The following DZIP1L variants were observed in gnomAD, a reference collection of about 807,000 sequenced individuals.
DZIP1L encodes the protein cilium assembly protein DZIP1L.
A neutral mutation model predicts 88.7 loss-of-function variants in DZIP1L; 90 were observed. That is an observed-to-expected ratio of 1.02 (90% CI 0.86 to 1.21). The LOEUF (loss-of-function observed/expected upper bound fraction) is 1.21. DZIP1L is among the 50% of genes most tolerant of loss of function. The pLI, the probability that DZIP1L is intolerant of heterozygous loss-of-function variation, is 0.00. For missense variants in DZIP1L, 932 were observed against 955.8 expected (o/e 0.98, Z 0.33); for synonymous variants, 363 against 372.1 (o/e 0.98, Z 0.28).
intron 1 of DZIP1L, among the ~76,000 whole-genome samples, chr3:138,114,872 A>G (rs1487008161): frequency 1.3e-5 from 2 of 152,226 alleles, no homozygotes; most frequent in East Asian, 1.9e-4. Flanking sequence ...GAAAGGAAGA[A>G]GGGGAACGAA....
Position 138,103,862 on chromosome 3 carries a change from C to G in DZIP1L, c.110G>C (p.Arg37Pro). 1.2e-6 allele frequency: 2 copies of G among 1,614,102 alleles called. No individual in the cohort carries two copies. The highest frequency in any genetic ancestry group is 1.7e-6 in the Non-Finnish European group (2 of 1,180,050). Residue 37 changes from arginine to proline, a missense_variant, in exon 2 of 16, where the codon CGC (arginine) becomes CCC (proline). By Grantham distance (103) the Arg-to-Pro change is moderately radical. Coordinates refer to ENST00000327532, the MANE Select transcript of DZIP1L (RefSeq NM_173543.3). ...QPRHDSMDWRRISTLDVDRVA... is the reference protein window; with the variant it reads ...QPRHDSMDWRPISTLDVDRVA... ...GCGGTCTACATCCAGGGTGCTAATG[C>G]GTCTCCAGTCCATGCTATCATGGCG...
chr3:138,108,277 G>C, intron 1 of DZIP1L: 1 of 981,686 alleles, frequency 1.0e-6, no homozygotes, highest in Non-Finnish European at 1.2e-6. Flanking sequence ...GCAACAGCAG[G>C]TTACCAGGCA....
chr3:138,072,435 T>A (rs1043571709), intron 11 of DZIP1L, among the ~76,000 whole-genome samples: 7 of 152,136 alleles, frequency 4.6e-5, no homozygotes, highest in Non-Finnish European at 1.0e-4. Context: ...GTTAGAGTAG[T>A]CAGTAGTTGA....
At chr3:138,080,891 T>C (rs1943615120) in intron 9 of DZIP1L, among the ~76,000 whole-genome samples, 1 of 152,136 alleles carries the variant, frequency 6.6e-6, no homozygotes, top group Non-Finnish European at 1.5e-5. Context: ...ACGAGGATAA[T>C]TCAATAGTGA....
intron 7 of DZIP1L, among the ~76,000 whole-genome samples, chr3:138,086,246 T>G (rs987962707): frequency 2.7e-5 from 4 of 150,326 alleles, no homozygotes; most frequent in Admixed American, 6.6e-5. Context: ...ACCCTAAAAC[T>G]TAAAGTATAA....
At chr3:138,096,630 A>G (rs1402561781) in intron 3 of DZIP1L, among the ~76,000 whole-genome samples, 1 of 152,210 alleles carries the variant, frequency 6.6e-6, no homozygotes, top group Non-Finnish European at 1.5e-5. Flanking sequence ...CTACTTTCCT[A>G]TATTTAAATT....
Position 138,064,754 on chromosome 3 carries a change from C to T in DZIP1L, c.2016G>A (p.Gln672=). Residue 672 remains glutamine, a synonymous_variant, in exon 15 of 16, where the codon CAG becomes CAA. Transcript: ENST00000327532. ...PPGQGSGTLV[Q]SMVKNLEKQL... ...GCTTCTCCAGGTTTTTGACCATCGA[C>T]TGCACCAGTGTTCCTGGAAGGTGAA... The T allele has an allele frequency of 6.3e-7, 1 of 1,586,498 alleles. No homozygotes were observed. Among genetic ancestry groups the T allele is most frequent in the Non-Finnish European group, 8.6e-7 (1 of 1,168,614 alleles).
At chr3:138,072,980 AAC>A (rs1943249091) in intron 11 of DZIP1L, among the ~76,000 whole-genome samples, 2 of 152,106 alleles carry the variant, frequency 1.3e-5, no homozygotes, top group Non-Finnish European at 2.9e-5. Flanking sequence ...TTGGACTGGG[AAC>A]ACACCCTCAT....
At chr3:138,065,586 C>T (rs1258097848) in intron 14 of DZIP1L, among the ~76,000 whole-genome samples, 1 of 152,230 alleles carries the variant, frequency 6.6e-6, no homozygotes, top group Non-Finnish European at 1.5e-5. Context: ...CACCCTATTG[C>T]CCTTGCCTGG....
chr3:138,064,887 A>G, intron 14 of DZIP1L, 120 bp from the exon 15 acceptor site: 1 of 1,426,768 alleles, frequency 7.0e-7, no homozygotes, highest in Non-Finnish European at 9.4e-7. Context: ...GGCCAGGAGG[A>G]AGAAGGCTGA....
chr3:138,076,268 G>A lies in DZIP1L; in HGVS notation c.1422+1231C>T, dbSNP rs145216824. Among the ~76,000 whole-genome samples the A allele has an allele frequency of 2.2e-3, 338 of 151,932 alleles. 3 individuals carry two copies. Among genetic ancestry groups the A allele is most frequent in the South Asian group, 0.012 (60 of 4,802 alleles). ...ATCAAAAAATCAAAAATTAATAGAC[G>A]TTGACATGGATGTGGTGAAAAGGGA... On this transcript the variant is annotated intron_variant, in intron 11 of 15. Coordinates refer to ENST00000327532, the MANE Select transcript of DZIP1L (RefSeq NM_173543.3).
chr3:138,068,886 TCAAGAC>T, intron 12 of DZIP1L: 1 of 1,232,578 alleles, frequency 8.1e-7, no homozygotes, highest in Non-Finnish European at 1.0e-6. Context: ...CCAAATTGCA[TCAAGAC>T]CTATAGCCAC....
intron 5 of DZIP1L, 120 bp from the exon 6 acceptor site, chr3:138,088,627 A>G: frequency 7.2e-7 from 1 of 1,398,078 alleles, no homozygotes; most frequent in Non-Finnish European, 9.3e-7. Flanking sequence ...ACTCATCCTC[A>G]CTAGATACCT....
intron 4 of DZIP1L, among the ~76,000 whole-genome samples, chr3:138,093,086 A>G (rs1043137306): frequency 6.6e-6 from 1 of 152,222 alleles, no homozygotes; most frequent in Non-Finnish European, 1.5e-5. Context: ...CCATCAGAGG[A>G]ATCACTATCT....
chr3:138,091,922 T>C lies in DZIP1L; in HGVS notation c.870+461A>G, dbSNP rs191932614. Among the ~76,000 whole-genome samples, 3 of 152,316 alleles carry C rather than the reference T, an allele frequency of 2.0e-5. No individual in the cohort carries two copies. In the East Asian group the frequency reaches 5.8e-4, roughly 29 times the overall value. ...GAAGACCCCAACAGAATGTCTGGCA[T>C]GTAACCAGTATTCAGGGAATATTTG... On this transcript the variant is annotated intron_variant, in intron 5 of 15. Transcript: ENST00000327532.
Position 138,062,733 on chromosome 3 carries a change from G to GGCCCA in DZIP1L, c.*78_*82dup. 1 of 1,483,068 alleles carries GGCCCA rather than the reference G, an allele frequency of 6.7e-7. No individual in the cohort carries two copies. Among genetic ancestry groups the GGCCCA allele is most frequent in the Non-Finnish European group, 9.3e-7 (1 of 1,075,744 alleles). 91.9% of individuals were successfully genotyped at this position (1,483,068 alleles called of 1,614,324 possible). A position where few individuals can be genotyped will look rare whatever the true frequency, so the allele number is the denominator to read the frequency against. On this transcript the variant is annotated 3_prime_UTR_variant, in exon 16 of 16. Transcript: ENST00000327532. ...CTCTTGGTTGTTTGTGAAGACAAGA[G>GGCCCA]GCCCAGCAGCCTCTTCTGTTGAAGT...
chr3:138,096,565 T>C (rs923602624), intron 3 of DZIP1L, among the ~76,000 whole-genome samples: 1 of 152,224 alleles, frequency 6.6e-6, no homozygotes, highest in Non-Finnish European at 1.5e-5. Context: ...TGACAGAGAA[T>C]ACACCAAAAT....
In DZIP1L at chr3:138,069,090, T is replaced by C. The variant is rs1342103841; in HGVS notation, c.1616-723A>G. 5.8e-6 allele frequency: 6 copies of C among 1,036,070 alleles called. No homozygotes were observed. The East Asian group carries it at 1.6e-4, about 28-fold the overall frequency. 64.2% of individuals were successfully genotyped at this position (1,036,070 alleles called of 1,614,324 possible). ...GGTTGAACAGCCATGGGTCCACTTA[T>C]ACGTGGATTTTCTTCCGACTCTGCC... On this transcript the variant is annotated intron_variant, in intron 12 of 15. Coordinates refer to ENST00000327532, the MANE Select transcript of DZIP1L (RefSeq NM_173543.3).
Position 138,099,999 on chromosome 3 carries a change from G to A in DZIP1L, c.502-2152C>T, listed in dbSNP as rs1039931486. On this transcript the variant is annotated intron_variant, in intron 2 of 15. Transcript: ENST00000327532. Reference sequence around the variant, plus strand: ...GGCTGGGCACCTTCTGCCCCACCCCGCAAATGACTTTCTGGTGACCAACCC... The same window carrying A: ...GGCTGGGCACCTTCTGCCCCACCCCACAAATGACTTTCTGGTGACCAACCC... 5.9e-5 allele frequency among the ~76,000 whole-genome samples: 9 copies of A among 151,688 alleles called. No homozygotes were observed. The East Asian group carries it at 7.8e-4, about 13-fold the overall frequency.
Sources: allele counts gnomAD v4.1 joint callset (sites outside exome capture counted in the v4.1 genomes callset), GRCh38; gene constraint gnomAD v4.1.1; transcripts MANE v1.5; gene names NCBI Gene and HGNC (gene_info 2026-07-23, HGNC 2026-07-21).